TMEM131: variants seen among roughly 807,000 people sequenced by gnomAD.
The protein encoded by TMEM131 is 2610524E03Rik.
In TMEM131, 66 loss-of-function variants were observed where a neutral mutation model predicts 211.6. The observed-to-expected ratio is 0.31, with a 90% CI of 0.26 to 0.38. TMEM131 has a LOEUF of 0.38. Ranked by LOEUF, TMEM131 falls within the 10% of genes least tolerant of loss-of-function variation. The pLI, the probability that TMEM131 is intolerant of heterozygous loss-of-function variation, is 1.00. For synonymous variants in TMEM131, 844 were observed against 841.3 expected (o/e 1.00, Z -0.06); for missense variants, 2,036 against 2,299.3 (o/e 0.89, Z 2.34).
chr2:97,942,976 G>GAAAGAAAGAAAGA (rs1677816467), intron 1 of TMEM131, among the ~76,000 whole-genome samples: 3 of 99,258 alleles, frequency 3.0e-5, no homozygotes, highest in Non-Finnish European at 6.1e-5. Context: ...AAGAAAGAAA[G>GAAAGAAAGAAAGA]AAAGAAAGAA....
intron 4 of TMEM131, among the ~76,000 whole-genome samples, chr2:97,883,029 T>C (rs1408336191): frequency 6.6e-6 from 1 of 152,192 alleles, no homozygotes; most frequent in African/African-American, 2.4e-5. Context: ...TGGAGCCTTC[T>C]TTCTGGGTCA....
At chr2:97,979,749 C>T (rs2104635732) in intron 1 of TMEM131, among the ~76,000 whole-genome samples, 1 of 152,302 alleles carries the variant, frequency 6.6e-6, no homozygotes, top group Admixed American at 6.5e-5. Context: ...AGCAATAAGG[C>T]TGTTTTGCTT....
intron 33 of TMEM131, among the ~76,000 whole-genome samples, chr2:97,768,223 TC>T (rs1466828319): frequency 6.6e-6 from 1 of 152,140 alleles, no homozygotes; most frequent in African/African-American, 2.4e-5. Flanking sequence ...AAGTGAAAAA[TC>T]CACTGTTTAT....
chr2:97,982,918 GC>G (rs1468030191), intron 1 of TMEM131, among the ~76,000 whole-genome samples: 1 of 152,208 alleles, frequency 6.6e-6, no homozygotes, highest in African/African-American at 2.4e-5. Flanking sequence ...AAAGAGCACA[GC>G]CCCAACACCC....
rs1158271414 is a variant in TMEM131 at position 97,908,686 on chromosome 2, G to C, written c.262C>G (p.Leu88Val). The C allele has an allele frequency of 1.2e-6, 2 of 1,605,316 alleles. No individual in the cohort carries two copies. Among genetic ancestry groups the C allele is most frequent in the Non-Finnish European group, 1.7e-6 (2 of 1,173,744 alleles). ...TTCTGCTGATATGAACTGAGTCCAA[G>C]TGTTGTCTCGGTCTGTAAAAGGAAT... ...DGGLLQTETTLGLSSYQQKSI... is the reference protein window; with the variant it reads ...DGGLLQTETTVGLSSYQQKSI... The change falls in exon 3 of 41, where the codon CTT (leucine) becomes GTT (valine). Residue 88 changes from leucine (L) to valine (V), a missense_variant. Transcript: ENST00000186436.
At chr2:97,829,013 C>T (rs1682527417) in intron 11 of TMEM131, among the ~76,000 whole-genome samples, 1 of 152,250 alleles carries the variant, frequency 6.6e-6, no homozygotes, top group Non-Finnish European at 1.5e-5. Flanking sequence ...CCAAGGACCC[C>T]TGGATCGACC....
Position 97,784,067 on chromosome 2 carries a change from G to C in TMEM131, c.4145-8049C>G, listed in dbSNP as rs377374784. 3.3e-5 allele frequency among the ~76,000 whole-genome samples: 5 copies of C among 151,576 alleles called. No individual in the cohort carries two copies. In the East Asian group the frequency reaches 5.8e-4, roughly 18 times the overall value. ...AGTTACAGCAATGTTAAATGTAAATGCATCAAACAAAAGCACTGAAAACTA... is the reference window on the plus strand; with the variant it reads ...AGTTACAGCAATGTTAAATGTAAATCCATCAAACAAAAGCACTGAAAACTA... On this transcript the variant is annotated intron_variant, in intron 31 of 40. Coordinates refer to ENST00000186436, the MANE Select transcript of TMEM131 (RefSeq NM_015348.2).
intron 5 of TMEM131, among the ~76,000 whole-genome samples, chr2:97,857,006 T>C (rs1271351280): frequency 6.6e-6 from 1 of 152,234 alleles, no homozygotes; most frequent in South Asian, 2.1e-4. Flanking sequence ...CCTACACATT[T>C]AGTTTATCTT....
At chr2:97,993,470 T>A (rs1219169247) in intron 1 of TMEM131, among the ~76,000 whole-genome samples, 2 of 152,214 alleles carry the variant, frequency 1.3e-5, no homozygotes, top group African/African-American at 2.4e-5. Flanking sequence ...TGATCAGTTT[T>A]AAAGGAGAAG....
chr2:97,991,855 T>C (rs190244434), intron 1 of TMEM131, among the ~76,000 whole-genome samples: 61 of 152,342 alleles, frequency 4.0e-4, no homozygotes, highest in Middle Eastern at 3.4e-3. Flanking sequence ...CTCTGGATAG[T>C]AACAATTAGA....
chr2:97,984,854 C>A (rs1465436944), intron 1 of TMEM131, among the ~76,000 whole-genome samples: 1 of 151,800 alleles, frequency 6.6e-6, no homozygotes, highest in South Asian at 2.1e-4. Context: ...CTAAATGGAG[C>A]AAATGTGGAA....
At chr2:97,787,623 T>C (rs748359867) in intron 31 of TMEM131, among the ~76,000 whole-genome samples, 7 of 152,248 alleles carry the variant, frequency 4.6e-5, no homozygotes, top group African/African-American at 7.2e-5. Context: ...AAAGGTTTTT[T>C]TCCCCAAACT....
At chr2:97,790,769 C>T (rs1234755867) in intron 31 of TMEM131, among the ~76,000 whole-genome samples, 3 of 152,128 alleles carry the variant, frequency 2.0e-5, no homozygotes, top group African/African-American at 7.2e-5. Flanking sequence ...CTAAAAATTA[C>T]CCTAAAATAT....
chr2:97,925,039 CT>C (rs892762111), intron 2 of TMEM131, among the ~76,000 whole-genome samples: 1 of 152,044 alleles, frequency 6.6e-6, no homozygotes, highest in African/African-American at 2.4e-5. Flanking sequence ...GCCAACACAC[CT>C]GGCTAATTTT....
chr2:97,879,672 A>C (rs535513541), intron 4 of TMEM131, among the ~76,000 whole-genome samples: 7 of 152,316 alleles, frequency 4.6e-5, no homozygotes, highest in African/African-American at 1.4e-4. Context: ...TGTGAAGATG[A>C]GGTGAAGACC....
intron 24 of TMEM131, 127 bp downstream of exon 24, chr2:97,802,301 C>T (rs1681070060): frequency 5.2e-6 from 4 of 774,710 alleles, no homozygotes; most frequent in African/African-American, 1.8e-5. Context: ...TTCTCTCAAC[C>T]TTATAGATCC....
At chr2:97,874,235 A>C (rs989189059) in intron 4 of TMEM131, among the ~76,000 whole-genome samples, 3 of 152,232 alleles carry the variant, frequency 2.0e-5, no homozygotes, top group Non-Finnish European at 4.4e-5. Context: ...GAAAAGACCA[A>C]ATCTACGTTT....
At chr2:97,762,221 GGCT>G (rs374725564) in intron 35 of TMEM131, 21 bp from the exon 36 acceptor site, 39 of 1,612,818 alleles carry the variant, frequency 2.4e-5, no homozygotes, top group African/African-American at 2.4e-4. Flanking sequence ...AAAACAAACG[GGCT>G]CGTTAGTGTG....
chr2:97,766,635 T>G (rs376201593), intron 33 of TMEM131, 33 bp from the exon 34 acceptor site: 56 of 1,610,102 alleles, frequency 3.5e-5, no homozygotes, highest in East Asian at 2.7e-4. Flanking sequence ...AAATACAAAT[T>G]TATTCCTCTG....
Sources: allele counts gnomAD v4.1 joint callset (sites outside exome capture counted in the v4.1 genomes callset), GRCh38; gene constraint gnomAD v4.1.1; transcripts MANE v1.5; gene names NCBI Gene and HGNC (gene_info 2026-07-23, HGNC 2026-07-21).